Variants in TCF12 observed in about 807,000 individuals in gnomAD.
TCF12 encodes the protein transcription factor 12.
A neutral mutation model predicts 86.0 loss-of-function variants in TCF12; 45 were observed. The observed-to-expected ratio is 0.52, with a 90% CI of 0.41 to 0.67. TCF12 has a LOEUF of 0.67. Ranked by LOEUF, TCF12 falls within the 30% of genes least tolerant of loss-of-function variation. The pLI, the probability that TCF12 is intolerant of heterozygous loss-of-function variation, is 0.00. For synonymous variants in TCF12, 330 were observed against 299.6 expected, an observed-to-expected ratio of 1.10 and a Z score of -1.05; for missense variants, 881 against 859.9, an observed-to-expected ratio of 1.02 and a Z score of -0.31.
At chr15:57,045,712 A>G (rs1055915205) in intron 3 of TCF12, among the ~76,000 whole-genome samples, 10 of 151,970 alleles carry the variant, frequency 6.6e-5, no homozygotes, top group African/African-American at 2.4e-4. Context: ...TGCCTGGATA[A>G]TTTTTGTATT....
intron 8 of TCF12, among the ~76,000 whole-genome samples, chr15:57,205,761 GT>G (rs2057780254): frequency 1.3e-5 from 2 of 152,304 alleles, no homozygotes; most frequent in South Asian, 4.1e-4. Context: ...AGTAACCACT[GT>G]TCAGAACAGT....
chr15:57,124,428 C>T (rs1461139026), intron 5 of TCF12, among the ~76,000 whole-genome samples: 2 of 152,100 alleles, frequency 1.3e-5, no homozygotes, highest in Non-Finnish European at 2.9e-5. Flanking sequence ...CTGTAGAATT[C>T]TGGGCACTCT....
rs117392949 is a variant in TCF12, at chr15:57,035,848, C to T, written c.149-27902C>T. Among the ~76,000 whole-genome samples, 155 of 152,210 alleles carry T rather than the reference C, an allele frequency of 1.0e-3. 3 individuals are homozygous for T. The East Asian group carries it at 0.027, about 26-fold the overall frequency. On this transcript the variant is annotated intron_variant, in intron 3 of 20. Transcript: ENST00000333725. ...CACAGACTGGGAAACCCCGTTGCACCGCAGGAGGTGAGTGGCAAGCAAACA... is the reference window on the plus strand; with the variant it reads ...CACAGACTGGGAAACCCCGTTGCACTGCAGGAGGTGAGTGGCAAGCAAACA...
intron 3 of TCF12, among the ~76,000 whole-genome samples, chr15:56,925,858 C>T (rs551257956): frequency 1.3e-5 from 2 of 152,310 alleles, no homozygotes; most frequent in South Asian, 4.1e-4. Context: ...AAGACAAACA[C>T]TTAAATATAT....
intron 7 of TCF12, among the ~76,000 whole-genome samples, chr15:57,193,798 A>G (rs2057108651): frequency 6.6e-6 from 1 of 152,238 alleles, no homozygotes; most frequent in African/African-American, 2.4e-5. Flanking sequence ...AGATCATCAT[A>G]TTCAGCATAG....
chr15:57,218,554 T>C (rs1403865789), intron 8 of TCF12, among the ~76,000 whole-genome samples: 2 of 152,158 alleles, frequency 1.3e-5, no homozygotes, highest in African/African-American at 4.8e-5. Context: ...CATAAAAATA[T>C]GAATATACAA....
At chr15:57,031,194 GTGT>G (rs1426331112) in intron 3 of TCF12, among the ~76,000 whole-genome samples, 1 of 152,138 alleles carries the variant, frequency 6.6e-6, no homozygotes, top group Non-Finnish European at 1.5e-5. Context: ...TTATTTTTAA[GTGT>G]TGTGGGCTAC....
rs531868244 is a variant in TCF12 at position 57,105,391 on chromosome 15, T to G, written c.325+13500T>G. On this transcript the variant is annotated intron_variant, in intron 5 of 20. Transcript: ENST00000333725. ...GTGTGCCTCATTGTACCTGCATAAT[T>G]ATGTAAAGTTCTTTTTGTGGTGGTG... is the stretch of plus-strand genomic sequence containing the variant. Among the ~76,000 whole-genome samples, 5 of 152,220 alleles carry G rather than the reference T, an allele frequency of 3.3e-5. 1 individual carries two copies. The South Asian group carries it at 1.0e-3, about 32-fold the overall frequency.
intron 3 of TCF12, among the ~76,000 whole-genome samples, chr15:57,005,380 G>A (rs1274390608): frequency 6.6e-6 from 1 of 152,016 alleles, no homozygotes; most frequent in Non-Finnish European, 1.5e-5. Context: ...GGTATTTTTT[G>A]TGAGAGGTAG....
chr15:57,030,225 GATTGATTAATTGATTAATCA>G (rs560686073), intron 3 of TCF12, among the ~76,000 whole-genome samples: 43 of 152,154 alleles, frequency 2.8e-4, no homozygotes, highest in East Asian at 9.7e-4. Flanking sequence ...TTGCTTTATT[GATTGATTAATTGATTAATCA>G]ATTGATTAAT....
In TCF12 at chr15:57,140,873, C is replaced by T. The variant is rs141707472; in HGVS notation, c.326-25529C>T. Among the ~76,000 whole-genome samples, 8 of 152,260 alleles carry T rather than the reference C, an allele frequency of 5.3e-5. No individual in the cohort carries two copies. The East Asian group carries it at 1.5e-3, about 29-fold the overall frequency. The stretch of plus-strand genomic sequence containing the variant: ...ACCTCTGACCTCAAGTTCATTACTT[C>T]CCTTTTTTTGCCTTTTTGCATGCCT... On this transcript the variant is annotated intron_variant, in intron 5 of 20. Transcript: ENST00000333725.
Position 57,222,758 on chromosome 15 carries a change from ATTTTTTTTTTTTTT to A in TCF12, c.580-8371_580-8358del, listed in dbSNP as rs57645813. ...GTTTTGGGGGAAAAAAAGGACTGCCATTTTTTTTTTTTTTTTTTTTTTTTTTTTTTTTTTTTACT... is the reference window on the plus strand; with the variant it reads ...GTTTTGGGGGAAAAAAAGGACTGCCATTTTTTTTTTTTTTTTTTTTTTACT... On this transcript the variant is annotated intron_variant, in intron 8 of 20. Coordinates refer to ENST00000333725, the MANE Select transcript of TCF12 (RefSeq NM_207037.2). Among the ~76,000 whole-genome samples, 11 of 45,532 alleles carry A rather than the reference ATTTTTTTTTTTTTT, an allele frequency of 2.4e-4. No individual in the cohort carries two copies. The East Asian group carries it at 2.9e-3, about 12-fold the overall frequency. The allele number at this position is 45,532 out of a possible 152,430, so 29.9% of individuals were successfully genotyped here. A position where few individuals can be genotyped will look rare whatever the true frequency, so the allele number is the denominator to read the frequency against.
At chr15:57,130,775 T>G (rs559032936) in intron 5 of TCF12, among the ~76,000 whole-genome samples, 1 of 152,354 alleles carries the variant, frequency 6.6e-6, no homozygotes, top group South Asian at 2.1e-4. Flanking sequence ...GTTACACACG[T>G]TGCTAAGTAC....
chr15:56,924,342 A>G (rs1360328251), intron 3 of TCF12, among the ~76,000 whole-genome samples: 1 of 152,228 alleles, frequency 6.6e-6, no homozygotes, highest in African/African-American at 2.4e-5. Flanking sequence ...TTTTCAAGTA[A>G]TTAAAAAAAT....
At chr15:57,281,485 T>C (rs1179221777) in intron 19 of TCF12, among the ~76,000 whole-genome samples, 1 of 152,202 alleles carries the variant, frequency 6.6e-6, no homozygotes, top group African/African-American at 2.4e-5. Context: ...CCAGTACCAG[T>C]GGCCTGTTAC....
At chr15:57,076,481 C>T (rs897891227) in intron 4 of TCF12, among the ~76,000 whole-genome samples, 51 of 151,894 alleles carry the variant, frequency 3.4e-4, no homozygotes, top group African/African-American at 1.1e-3. Context: ...GATGAATCCC[C>T]GTCTCTACTA....
chr15:57,181,345 C>T (rs1233027401), intron 6 of TCF12, among the ~76,000 whole-genome samples: 1 of 152,134 alleles, frequency 6.6e-6, no homozygotes, highest in Non-Finnish European at 1.5e-5. Flanking sequence ...CTGCCTCACC[C>T]TACCAAGTAG....
intron 16 of TCF12, among the ~76,000 whole-genome samples, chr15:57,261,674 T>G (rs188144486): frequency 1.3e-3 from 191 of 152,312 alleles, no homozygotes; most frequent in Non-Finnish European, 2.1e-3. Context: ...GGTGTTTGCA[T>G]TGCTTGGAAT....
At chr15:57,100,418 TTCC>T (rs1320188214) in intron 5 of TCF12, among the ~76,000 whole-genome samples, 7 of 150,042 alleles carry the variant, frequency 4.7e-5, no homozygotes, top group African/African-American at 1.2e-4. Flanking sequence ...TCGGATTCAC[TTCC>T]TCTTTTTTTT....
Sources: allele counts gnomAD v4.1 joint callset (sites outside exome capture counted in the v4.1 genomes callset), GRCh38; gene constraint gnomAD v4.1.1; transcripts MANE v1.5; gene names NCBI Gene and HGNC (gene_info 2026-07-23, HGNC 2026-07-21).